METTL21A: variants seen among roughly 807,000 people sequenced by gnomAD.
The protein encoded by METTL21A is protein N-lysine methyltransferase METTL21A.
Under a neutral mutation model 20.9 loss-of-function variants are expected in METTL21A, and 22 were observed. The observed-to-expected ratio is 1.05, with a 90% CI of 0.75 to 1.50. METTL21A has a LOEUF of 1.50. Ranked by LOEUF, METTL21A falls within the 40% of genes most tolerant of loss-of-function variation. The probability of loss-of-function intolerance (pLI) is 0.00; values close to 1 mark genes in which losing one functional copy is unlikely to be tolerated. For missense variants in METTL21A, 271 were observed against 266.8 expected (o/e 1.02, Z -0.11); for synonymous variants, 93 against 102.0 (o/e 0.91, Z 0.53).
At chr2:207,583,036 A>G (rs2083219948) in intron 3 of METTL21A, 1 of 153,876 alleles carries the variant, frequency 6.5e-6, no homozygotes, top group African/African-American at 2.4e-5. Flanking sequence ...AAAAAAAGTA[A>G]CAATATAACA....
chr2:207,618,710 A>AAAC (rs1262469247), intron 3 of METTL21A, among the ~76,000 whole-genome samples: 1 of 152,050 alleles, frequency 6.6e-6, no homozygotes, highest in Non-Finnish European at 1.5e-5. Flanking sequence ...TCCATCTCAA[A>AAAC]AACAACAACA....
In METTL21A at chr2:207,582,934, T is replaced by C. The variant is rs533601150; in HGVS notation, c.260-774A>G. 128 of 225,272 alleles carry C rather than the reference T, an allele frequency of 5.7e-4. 1 individual carries two copies. The highest frequency in any genetic ancestry group is 2.9e-3 in the African/African-American group (124 of 42,672). 14.0% of individuals were successfully genotyped at this position (225,272 alleles called of 1,614,324 possible). On this transcript the variant is annotated intron_variant, in intron 3 of 3. Transcript: ENST00000425132. ...ACAAAAAAAAATATATATATATACA[T>C]ACACACACACATACACCTTCATATA... is the stretch of plus-strand genomic sequence containing the variant.
intron 3 of METTL21A, chr2:207,600,426 C>T: frequency 5.2e-6 from 1 of 194,028 alleles, no homozygotes; most frequent in Non-Finnish European, 1.1e-5. Flanking sequence ...TTGATTTTAT[C>T]TTCTAATTTT....
At chr2:207,580,773 C>T (rs2082868697), downstream of METTL21A, 1 of 224,834 alleles carries the variant, frequency 4.4e-6, no homozygotes, top group Non-Finnish European at 8.9e-6. Context: ...TTCTTCCTCA[C>T]TTCTGTTACA....
At position 207,616,553 on chromosome 2, in the gene METTL21A, C is replaced by A. The variant is rs546594186; in HGVS notation, c.260-3110G>T. Among the ~76,000 whole-genome samples, 3 of 152,266 alleles carry A rather than the reference C, an allele frequency of 2.0e-5. No homozygotes were observed. In the South Asian group the frequency reaches 6.2e-4, roughly 32 times the overall value. On this transcript the variant is annotated intron_variant, in intron 3 of 3. Transcript: ENST00000406927. ...GGCAGTAAGACGTTTTTTAAAAAAA[C>A]AGAATATCCGGCTGGGTGCGGTGAC...
At chr2:207,591,215 G>C (rs2084970500) in intron 3 of METTL21A, among the ~76,000 whole-genome samples, 1 of 152,166 alleles carries the variant, frequency 6.6e-6, no homozygotes, top group African/African-American at 2.4e-5. Context: ...TGACAGGAGA[G>C]TGTATTAAGG....
In METTL21A at chr2:207,624,129, T is replaced by C. The variant is rs2090834596; in HGVS notation, c.147+100A>G. 11 of 1,370,734 alleles carry C rather than the reference T, an allele frequency of 8.0e-6. No homozygotes were observed. In the South Asian group the frequency reaches 1.3e-4, roughly 16 times the overall value. 84.9% of individuals were successfully genotyped at this position (1,370,734 alleles called of 1,614,324 possible). ...CTTTAAATAGGTAAAGTGTATGCTA[T>C]GTGAATTATATCTCAATAAAGCTGT... On this transcript the variant is annotated intron_variant, in intron 2 of 3. Coordinates refer to ENST00000406927, the Ensembl canonical transcript of METTL21A.
chr2:207,624,092 C>G, intron 2 of METTL21A, 137 bp downstream of exon 2: 2 of 1,064,526 alleles, frequency 1.9e-6, no homozygotes, highest in Non-Finnish European at 2.6e-6. Context: ...TAAAACCGCA[C>G]TGAATTGTGC....
At chr2:207,602,348 G>A (rs1235296864) in intron 3 of METTL21A, 1 of 200,710 alleles carries the variant, frequency 5.0e-6, no homozygotes, top group East Asian at 7.6e-5. Flanking sequence ...ATTCTGGTAC[G>A]GTGGGTGCAG....
chr2:207,614,666 A>G (rs920562784), intron 3 of METTL21A, among the ~76,000 whole-genome samples: 1 of 152,220 alleles, frequency 6.6e-6, no homozygotes, highest in Non-Finnish European at 1.5e-5. Flanking sequence ...CAGTGTAGAA[A>G]AACTAAACTG....
At chr2:207,592,019 A>C (rs1393500907) in intron 3 of METTL21A, among the ~76,000 whole-genome samples, 1 of 152,214 alleles carries the variant, frequency 6.6e-6, no homozygotes, top group Non-Finnish European at 1.5e-5. Flanking sequence ...TACATTTCTT[A>C]GAAAATAGAT....
At chr2:207,616,796 C>G (rs916156881) in intron 3 of METTL21A, among the ~76,000 whole-genome samples, 7 of 152,136 alleles carry the variant, frequency 4.6e-5, no homozygotes, top group Non-Finnish European at 8.8e-5. Context: ...CAGTGAAGAT[C>G]GCCCTACTGC....
At chr2:207,616,585 C>T (rs1007508818) in intron 3 of METTL21A, among the ~76,000 whole-genome samples, 2 of 152,210 alleles carry the variant, frequency 1.3e-5, no homozygotes, top group Non-Finnish European at 2.9e-5. Flanking sequence ...TGACTCACGC[C>T]TGTAATCTCA....
chr2:207,600,022 CTTA>C, intron 3 of METTL21A: 1 of 189,328 alleles, frequency 5.3e-6, no homozygotes, highest in East Asian at 8.4e-5. Context: ...ATATATTACT[CTTA>C]TGAGTTTTCA....
At chr2:207,619,957 C>T (rs72958143) in intron 3 of METTL21A, among the ~76,000 whole-genome samples, 19,440 of 152,152 alleles carry the variant, frequency 0.13, 1,664 homozygotes, top group Middle Eastern at 0.2. Flanking sequence ...CAAGGTCACA[C>T]GACTAGTAAG....
chr2:207,582,609 A>G (rs1383099260), intron 3 of METTL21A, among the ~76,000 whole-genome samples: 1 of 152,086 alleles, frequency 6.6e-6, no homozygotes, highest in Non-Finnish European at 1.5e-5. Context: ...TGAGACTACA[A>G]GATTGTCCAG....
At chr2:207,619,287 G>A (rs2090189114) in intron 3 of METTL21A, among the ~76,000 whole-genome samples, 1 of 151,896 alleles carries the variant, frequency 6.6e-6, no homozygotes, top group Non-Finnish European at 1.5e-5. Context: ...TGGACCGCCA[G>A]GCTTCTGGTG....
At chr2:207,618,870 G>C (rs2090126330) in intron 3 of METTL21A, among the ~76,000 whole-genome samples, 1 of 152,178 alleles carries the variant, frequency 6.6e-6, no homozygotes, top group South Asian at 2.1e-4. Flanking sequence ...ACAGTTCCAA[G>C]TACCATAAGA....
In METTL21A at chr2:207,624,370, G is replaced by A. The variant is rs371313018; in HGVS notation, c.6C>T (p.Ala2=). The A allele has an allele frequency of 4.5e-4, 719 of 1,612,722 alleles. 1 individual carries two copies. Among genetic ancestry groups the A allele is most frequent in the Non-Finnish European group, 6.0e-4 (706 of 1,179,600 alleles). The change falls in exon 2 of 4, where the codon GCC becomes GCT. Residue 2 remains alanine, a synonymous_variant. Transcript: ENST00000406927. Reference sequence around the variant, plus strand: ...CCGTGGTCTCCTCATAGGGCACGAGGGCCATTCCGCCTGCACCCCGCCCTC... The same window carrying A: ...CCGTGGTCTCCTCATAGGGCACGAGAGCCATTCCGCCTGCACCCCGCCCTC...
Sources: allele counts gnomAD v4.1 joint callset (sites outside exome capture counted in the v4.1 genomes callset), GRCh38; gene constraint gnomAD v4.1.1; transcripts MANE v1.5; gene names NCBI Gene and HGNC (gene_info 2026-07-23, HGNC 2026-07-21).